The following EEFSEC variants were observed in gnomAD, a reference collection of about 807,000 sequenced individuals.
The protein encoded by EEFSEC is eukaryotic elongation factor, selenocysteine-tRNA specific.
A neutral mutation model predicts 42.1 loss-of-function variants in EEFSEC; 43 were observed. That is an observed-to-expected ratio of 1.02 (90% CI 0.80 to 1.32). The LOEUF is 1.32. Among genes scored for constraint, EEFSEC ranks in the 40% most tolerant of loss-of-function variants. The pLI, the probability that EEFSEC is intolerant of heterozygous loss-of-function variation, is 0.00. For missense variants in EEFSEC, 745 were observed against 803.6 expected, an observed-to-expected ratio of 0.93 and a Z score of 0.88; for synonymous variants, 354 against 339.1, an observed-to-expected ratio of 1.04 and a Z score of -0.48.
intron 4 of EEFSEC, among the ~76,000 whole-genome samples, chr3:128,322,471 C>CA (rs2067018236): frequency 6.6e-6 from 1 of 152,262 alleles, no homozygotes; most frequent in Admixed American, 6.5e-5. Flanking sequence ...CCAAAGGAAG[C>CA]AAGGCTGACA....
intron 6 of EEFSEC, among the ~76,000 whole-genome samples, chr3:128,375,831 T>C (rs2067703802): frequency 1.3e-5 from 2 of 152,234 alleles, no homozygotes; most frequent in South Asian, 4.1e-4. Flanking sequence ...GTCTGTGGCC[T>C]GCACATGCTC....
intron 6 of EEFSEC, among the ~76,000 whole-genome samples, chr3:128,387,669 T>C (rs986472583): frequency 2.0e-5 from 3 of 152,190 alleles, no homozygotes; most frequent in African/African-American, 4.8e-5. Context: ...GTGCTTAGCA[T>C]TGGATGGCAG....
chr3:128,329,536 G>A (rs1486259328), intron 4 of EEFSEC, among the ~76,000 whole-genome samples: 2 of 152,090 alleles, frequency 1.3e-5, no homozygotes, highest in South Asian at 4.1e-4. Context: ...GGCCAAGGTG[G>A]GCAGGCAGCA....
intron 4 of EEFSEC, among the ~76,000 whole-genome samples, chr3:128,331,341 C>G (rs1327851145): frequency 9.5e-5 from 7 of 73,752 alleles, no homozygotes; most frequent in African/African-American, 2.9e-4. Context: ...CCTCTTCCCC[C>G]CTTCCTCAGT....
intron 1 of EEFSEC, among the ~76,000 whole-genome samples, chr3:128,170,547 C>T (rs893466188): frequency 5.9e-5 from 9 of 151,628 alleles, no homozygotes; most frequent in Non-Finnish European, 8.8e-5. Flanking sequence ...CTTCTGGTGA[C>T]AGAACCTTGC....
chr3:128,266,445 C>T (rs2066354511), intron 4 of EEFSEC, among the ~76,000 whole-genome samples: 1 of 151,984 alleles, frequency 6.6e-6, no homozygotes, highest in South Asian at 2.1e-4. Flanking sequence ...GAACAGGGTT[C>T]CCCCAAATGA....
At chr3:128,164,861 AG>A (rs1559850150) in intron 1 of EEFSEC, among the ~76,000 whole-genome samples, 1 of 152,050 alleles carries the variant, frequency 6.6e-6, no homozygotes, top group Non-Finnish European at 1.5e-5. Flanking sequence ...GTCTGAGGAG[AG>A]GACTGTGACA....
At chr3:128,276,518 T>A (rs1331159125) in intron 4 of EEFSEC, among the ~76,000 whole-genome samples, 4 of 152,146 alleles carry the variant, frequency 2.6e-5, no homozygotes, top group African/African-American at 9.7e-5. Flanking sequence ...AACATGGAAA[T>A]GTTAATAACA....
At chr3:128,302,759 C>A (rs1001850306) in intron 4 of EEFSEC, among the ~76,000 whole-genome samples, 6 of 151,992 alleles carry the variant, frequency 3.9e-5, no homozygotes, top group African/African-American at 1.5e-4. Flanking sequence ...TGAATTTTCC[C>A]AGAAACAATT....
intron 4 of EEFSEC, among the ~76,000 whole-genome samples, chr3:128,337,701 G>A (rs908546426): frequency 2.0e-5 from 3 of 152,224 alleles, no homozygotes. Flanking sequence ...CACTGAGGAC[G>A]CAGCATAGGG....
At chr3:128,232,731 G>T (rs1223376956) in intron 1 of EEFSEC, among the ~76,000 whole-genome samples, 1 of 152,080 alleles carries the variant, frequency 6.6e-6, no homozygotes, top group Non-Finnish European at 1.5e-5. Flanking sequence ...TTGTACTGTT[G>T]TGCAAAGTCA....
intron 4 of EEFSEC, among the ~76,000 whole-genome samples, chr3:128,287,464 C>A (rs1432338904): frequency 1.3e-5 from 2 of 152,224 alleles, no homozygotes; most frequent in Non-Finnish European, 2.9e-5. Flanking sequence ...TTTCTTCCTA[C>A]TAGCCTTGGC....
At chr3:128,262,983 G>T (rs1272195562) in intron 3 of EEFSEC, among the ~76,000 whole-genome samples, 1 of 152,148 alleles carries the variant, frequency 6.6e-6, no homozygotes, top group Non-Finnish European at 1.5e-5. Context: ...CTGACCTCAG[G>T]CAAATGATCT....
At chr3:128,412,471 C>T (rs1056172663), downstream of EEFSEC, among the ~76,000 whole-genome samples, 7 of 152,232 alleles carry the variant, frequency 4.6e-5, no homozygotes, top group East Asian at 1.3e-3. Context: ...ACTGGGGAGG[C>T]CTCCTGCCAA....
intron 4 of EEFSEC, among the ~76,000 whole-genome samples, chr3:128,333,824 G>T (rs1020479394): frequency 6.6e-6 from 1 of 152,136 alleles, no homozygotes; most frequent in Admixed American, 6.5e-5. Context: ...GATCATGCTG[G>T]GCACACTACC....
chr3:128,375,979 G>A (rs749712468), intron 6 of EEFSEC, among the ~76,000 whole-genome samples: 1 of 152,220 alleles, frequency 6.6e-6, no homozygotes, highest in Non-Finnish European at 1.5e-5. Context: ...ATTGACCCAT[G>A]TGCCTGAAAA....
At chr3:128,198,664 C>T (rs2065612088) in intron 1 of EEFSEC, among the ~76,000 whole-genome samples, 1 of 152,156 alleles carries the variant, frequency 6.6e-6, no homozygotes, top group African/African-American at 2.4e-5. Context: ...AAGAAGGCTC[C>T]TTGCATACAA....
At chr3:128,348,271 C>CGTGTGT (rs71618139) in intron 5 of EEFSEC, among the ~76,000 whole-genome samples, 40,749 of 147,658 alleles carry the variant, frequency 0.28, 6,771 homozygotes, top group African/African-American at 0.47. Context: ...TGTGTGTGTG[C>CGTGTGT]GTGTGCGTGT....
chr3:128,278,227 G>A (rs1559899185), intron 4 of EEFSEC, among the ~76,000 whole-genome samples: 2 of 152,224 alleles, frequency 1.3e-5, no homozygotes, highest in Admixed American at 6.5e-5. Flanking sequence ...TGTTGCCATA[G>A]TCCAGGCAGA....
Sources: gnomAD v4.1 joint callset for allele counts (sites outside exome capture counted in the v4.1 genomes callset) on GRCh38, gnomAD v4.1.1 for gene constraint, MANE v1.5 for transcripts, NCBI Gene and HGNC (gene_info 2026-07-23, HGNC 2026-07-21) for gene names.